Variants in UST observed in about 807,000 individuals in gnomAD.
UST encodes the protein uronyl 2-sulfotransferase.
A neutral mutation model predicts 45.6 loss-of-function variants in UST; 21 were observed. The observed-to-expected ratio is 0.46, with a 90% confidence interval of 0.33 to 0.66. The LOEUF is 0.66. UST is among the 30% of genes least tolerant of loss of function. The pLI, the probability that UST is intolerant of heterozygous loss-of-function variation, is 0.02. For missense variants in UST, 463 were observed against 512.4 expected (o/e 0.90, Z 0.93); for synonymous variants, 215 against 200.6 (o/e 1.07, Z -0.61).
At chr6:148,769,067 C>T (rs1776371411) in intron 1 of UST, among the ~76,000 whole-genome samples, 1 of 152,254 alleles carries the variant, frequency 6.6e-6, no homozygotes, top group Admixed American at 6.5e-5. Flanking sequence ...GTATGGATCT[C>T]AGCCTCCTGG....
chr6:148,779,084 A>G (rs889953932), intron 1 of UST, among the ~76,000 whole-genome samples: 2 of 151,418 alleles, frequency 1.3e-5, no homozygotes, highest in African/African-American at 4.9e-5. Context: ...TCTCTCCACA[A>G]AGAACCAAAG....
intron 1 of UST, among the ~76,000 whole-genome samples, chr6:148,753,843 T>C (rs1203463686): frequency 6.6e-6 from 1 of 152,214 alleles, no homozygotes; most frequent in Non-Finnish European, 1.5e-5. Context: ...CCATTTCTTA[T>C]TTTCCATTTT....
intron 5 of UST, among the ~76,000 whole-genome samples, chr6:148,970,699 G>C (rs1400770795): frequency 1.3e-5 from 2 of 152,194 alleles, no homozygotes; most frequent in Non-Finnish European, 2.9e-5. Flanking sequence ...TTGAGACCTA[G>C]AGCCACTTCC....
chr6:148,796,797 CTTTTTTTT>C (rs1195878764), intron 1 of UST, among the ~76,000 whole-genome samples: 3 of 72,054 alleles, frequency 4.2e-5, no homozygotes, highest in Admixed American at 2.0e-4. Flanking sequence ...TCTGATAATT[CTTTTTTTT>C]TTTTTTTTTT....
intron 1 of UST, among the ~76,000 whole-genome samples, chr6:148,834,444 A>T (rs1777748295): frequency 6.6e-6 from 1 of 152,200 alleles, no homozygotes; most frequent in African/African-American, 2.4e-5. Flanking sequence ...TTTATTAAAC[A>T]GTTACTGAGG....
intron 2 of UST, among the ~76,000 whole-genome samples, chr6:148,933,127 G>A (rs1173023414): frequency 1.3e-5 from 2 of 152,158 alleles, no homozygotes; most frequent in Non-Finnish European, 2.9e-5. Context: ...CTTCTGTAAC[G>A]TAGCAAATCA....
intron 5 of UST, among the ~76,000 whole-genome samples, chr6:148,985,408 C>A (rs1163856948): frequency 2.7e-5 from 4 of 146,096 alleles, no homozygotes; most frequent in African/African-American, 9.9e-5. Context: ...ACAACAACAA[C>A]AAAAACTGAA....
At chr6:148,809,828 A>C (rs889816599) in intron 1 of UST, among the ~76,000 whole-genome samples, 7 of 152,218 alleles carry the variant, frequency 4.6e-5, no homozygotes, top group African/African-American at 1.7e-4. Flanking sequence ...GCCTTGTGGC[A>C]TCATTCCAGT....
intron 2 of UST, among the ~76,000 whole-genome samples, chr6:148,924,728 C>A (rs146458475): frequency 2.6e-5 from 4 of 152,230 alleles, no homozygotes; most frequent in East Asian, 3.9e-4. Flanking sequence ...AACTCCCTTT[C>A]GGAGAAGAAA....
intron 1 of UST, among the ~76,000 whole-genome samples, chr6:148,820,255 C>G (rs1268443668): frequency 6.6e-6 from 1 of 152,114 alleles, no homozygotes; most frequent in Non-Finnish European, 1.5e-5. Context: ...CCCATATGCC[C>G]TCACTCAGAT....
At chr6:148,853,527 G>C (rs1482551799) in intron 1 of UST, among the ~76,000 whole-genome samples, 1 of 152,160 alleles carries the variant, frequency 6.6e-6, no homozygotes. Context: ...GGTCTCTGAG[G>C]AATTGTCACA....
chr6:148,940,409 G>A (rs758302941), intron 2 of UST, among the ~76,000 whole-genome samples: 3 of 152,066 alleles, frequency 2.0e-5, no homozygotes, highest in Admixed American at 6.5e-5. Context: ...TGGGAGGATC[G>A]CATGAGCCCG....
intron 1 of UST, among the ~76,000 whole-genome samples, chr6:148,760,961 G>A (rs17645337): frequency 0.044 from 6,710 of 152,242 alleles, 213 homozygotes; most frequent in South Asian, 0.089. Flanking sequence ...TACATGGCCC[G>A]TAAAAGCCAC....
chr6:148,898,221 A>AT (rs1171327988), intron 2 of UST, among the ~76,000 whole-genome samples: 12 of 152,080 alleles, frequency 7.9e-5, no homozygotes, highest in Admixed American at 2.6e-4. Context: ...CCACCCTCTC[A>AT]TTTTTTTTAT....
At chr6:148,930,849 A>G (rs549621143) in intron 2 of UST, among the ~76,000 whole-genome samples, 2 of 152,372 alleles carry the variant, frequency 1.3e-5, no homozygotes, top group African/African-American at 2.4e-5. Context: ...AACAATGATC[A>G]TTTGAATCTA....
At chr6:149,064,175 C>T (rs1306792527) in intron 7 of UST, among the ~76,000 whole-genome samples, 1 of 152,160 alleles carries the variant, frequency 6.6e-6, no homozygotes, top group African/African-American at 2.4e-5. Context: ...TCTCTGCCCC[C>T]ATGGTGACAA....
chr6:148,863,142 C>T (rs376185526), intron 1 of UST, among the ~76,000 whole-genome samples: 4 of 152,190 alleles, frequency 2.6e-5, no homozygotes, highest in Admixed American at 6.5e-5. Flanking sequence ...ACCAATCAGA[C>T]GTAGATTTGG....
rs533119894 is a variant in UST, at chr6:148,789,461, A to T, written c.247+41784A>T. Among the ~76,000 whole-genome samples, 943 of 135,950 alleles carry T rather than the reference A, an allele frequency of 6.9e-3. 6 individuals carry two copies. Among genetic ancestry groups the T allele is most frequent in the African/African-American group, 0.021 (814 of 38,354 alleles). 89.2% of individuals were successfully genotyped at this position (135,950 alleles called of 152,430 possible). On this transcript the variant is annotated intron_variant, in intron 1 of 7. Transcript: ENST00000367463. ...CTCTCTCTCTCTCTCTCTCACACACACACACACACACACACACACACACTT... is the reference window on the plus strand; with the variant it reads ...CTCTCTCTCTCTCTCTCTCACACACTCACACACACACACACACACACACTT...
At chr6:148,875,616 C>T (rs925633633) in intron 1 of UST, among the ~76,000 whole-genome samples, 3 of 152,142 alleles carry the variant, frequency 2.0e-5, no homozygotes, top group African/African-American at 7.2e-5. Context: ...CCAGCCTGGC[C>T]AACATAGTGA....
Sources: allele counts gnomAD v4.1 joint callset (sites outside exome capture counted in the v4.1 genomes callset), GRCh38; gene constraint gnomAD v4.1.1; transcripts MANE v1.5; gene names NCBI Gene and HGNC (gene_info 2026-07-23, HGNC 2026-07-21).